Variants in DENND2D observed in about 807,000 individuals in gnomAD.
The protein encoded by DENND2D is DENN domain containing 2D.
DENND2D carries 37 observed loss-of-function variants against 59.8 expected under a neutral mutation model. The ratio of observed to expected loss-of-function variants is 0.62; its 90% CI spans 0.48 to 0.81. The LOEUF (loss-of-function observed/expected upper bound fraction) is 0.81, where lower values mean the gene tolerates loss of function less well. DENND2D is among the 40% of genes least tolerant of loss of function. The probability of loss-of-function intolerance (pLI) is 0.00; values close to 1 mark genes in which losing one functional copy is unlikely to be tolerated. For missense variants in DENND2D, 525 were observed against 579.7 expected (o/e 0.91, Z 0.97); for synonymous variants, 219 against 211.3 (o/e 1.04, Z -0.31).
At chr1:111,196,255 T>TGATACGG in intron 5 of DENND2D, 199 bp from the exon 6 acceptor site, 1 of 546,930 alleles carries the variant, frequency 1.8e-6, no homozygotes, top group Non-Finnish European at 3.1e-6. Flanking sequence ...CTGCAGTTTA[T>TGATACGG]CTCCCACATA....
upstream of DENND2D, chr1:111,204,369 C>G: frequency 1.4e-6 from 2 of 1,417,778 alleles, no homozygotes; most frequent in Non-Finnish European, 1.8e-6. Flanking sequence ...CTGGAGTGCC[C>G]GGCTCCCGCT....
intron 8 of DENND2D, 38 bp from the exon 9 acceptor site, chr1:111,189,291 T>C: frequency 6.2e-7 from 1 of 1,611,802 alleles, no homozygotes; most frequent in Non-Finnish European, 8.5e-7. Flanking sequence ...TGGTCCTCTT[T>C]CTTCATAGAC....
intron 2 of DENND2D, 77 bp from the exon 3 acceptor site, chr1:111,198,819 G>C (rs990052177): frequency 2.0e-6 from 3 of 1,498,582 alleles, no homozygotes; most frequent in Non-Finnish European, 2.8e-6. Flanking sequence ...GAGCTGGTGG[G>C]CTTCCTTTGA....
intron 8 of DENND2D, among the ~76,000 whole-genome samples, chr1:111,191,128 A>T (rs1657725936): frequency 6.6e-6 from 1 of 152,198 alleles, no homozygotes; most frequent in African/African-American, 2.4e-5. Context: ...ATTGCTAAAC[A>T]TGGGGCTAAT....
intron 6 of DENND2D, 74 bp downstream of exon 6, chr1:111,195,842 G>C: frequency 6.2e-7 from 1 of 1,600,222 alleles, no homozygotes. Flanking sequence ...GTTAATGGAA[G>C]AACAGTGGTG....
chr1:111,197,459 T>G (rs1330519425), intron 4 of DENND2D: 10 of 1,428,240 alleles, frequency 7.0e-6, no homozygotes, highest in Non-Finnish European at 9.1e-6. Flanking sequence ...CGCTGCCACC[T>G]TCAGTGCCAG....
At chr1:111,204,110 C>A, upstream of DENND2D, 1 of 362,734 alleles carries the variant, frequency 2.8e-6, no homozygotes. Flanking sequence ...CCCCACCTGA[C>A]CCTCTTCCCC....
chr1:111,195,858 T>C (rs1658177757), intron 6 of DENND2D, 58 bp downstream of exon 6: 1 of 1,609,130 alleles, frequency 6.2e-7, no homozygotes, highest in Non-Finnish European at 8.5e-7. Context: ...TGGTGAGAGG[T>C]GCCACAGATG....
chr1:111,193,008 C>A (rs1657922486), intron 7 of DENND2D, among the ~76,000 whole-genome samples: 1 of 152,218 alleles, frequency 6.6e-6, no homozygotes, highest in African/African-American at 2.4e-5. Flanking sequence ...TCCAGTGAAG[C>A]ATTTCTCGTC....
At chr1:111,189,903 G>A (rs569085111) in intron 8 of DENND2D, among the ~76,000 whole-genome samples, 10 of 152,200 alleles carry the variant, frequency 6.6e-5, no homozygotes, top group Admixed American at 4.6e-4. Flanking sequence ...GGTGGCTCAC[G>A]CCTGTAATCC....
intron 1 of DENND2D, 38 bp from the exon 2 acceptor site, chr1:111,199,836 T>C (rs372732989): frequency 4.5e-5 from 71 of 1,593,684 alleles, no homozygotes; most frequent in Non-Finnish European, 5.7e-5. Flanking sequence ...ATAATCTCAT[T>C]GATCCATTCC....
upstream of DENND2D, chr1:111,204,519 C>T: frequency 1.4e-6 from 1 of 728,936 alleles, no homozygotes; most frequent in Non-Finnish European, 2.0e-6. Context: ...CCCCCGGGCG[C>T]ACCTGGGCGG....
chr1:111,195,870 C>T, intron 6 of DENND2D, 46 bp downstream of exon 6: 1 of 1,612,736 alleles, frequency 6.2e-7, no homozygotes, highest in Admixed American at 1.7e-5. Flanking sequence ...CCACAGATGC[C>T]TACCCTCTCC....
intron 6 of DENND2D, chr1:111,195,103 A>G (rs958137419): frequency 1.1e-4 from 21 of 196,882 alleles, no homozygotes; most frequent in African/African-American, 4.9e-4. Context: ...CCCTTTGGCC[A>G]TGTGATACTT....
At chr1:111,191,981 G>A (rs1657817205) in intron 8 of DENND2D, among the ~76,000 whole-genome samples, 159 bp downstream of exon 8, 1 of 152,174 alleles carries the variant, frequency 6.6e-6, no homozygotes, top group Non-Finnish European at 1.5e-5. Context: ...AGAATCCTTA[G>A]GAAGTGAACA....
At chr1:111,197,682 T>C in intron 4 of DENND2D, 1 of 1,393,258 alleles carries the variant, frequency 7.2e-7, no homozygotes, top group Non-Finnish European at 9.3e-7. Flanking sequence ...GTTAGTTGTA[T>C]TGAAAGCCAG....
chr1:111,197,456 A>G (rs1395146796), intron 4 of DENND2D: 2 of 1,429,222 alleles, frequency 1.4e-6, no homozygotes, highest in Admixed American at 2.8e-5. Flanking sequence ...AAGCGCTGCC[A>G]CCTTCAGTGC....
At chr1:111,200,092 A>C (rs638825) in intron 1 of DENND2D, 476,813 of 563,074 alleles carry the variant, frequency 0.85, 202,819 homozygotes, top group East Asian at 0.99. Context: ...AGGGTACCAC[A>C]GAGACTGCCT....
rs1571165687 is a variant in DENND2D at position 111,186,454 on chromosome 1, C to T, written c.*1151G>A. The stretch of plus-strand genomic sequence containing the variant: ...CTTCAGTATGCCCGGTTCCACCCTC[C>T]AGAAACTTTTGTGTTCTTTGTATAG... On this transcript the variant is annotated 3_prime_UTR_variant, in exon 12 of 12. Coordinates refer to ENST00000357640, the MANE Select transcript of DENND2D (RefSeq NM_024901.5). Among the ~76,000 whole-genome samples the T allele has an allele frequency of 2.0e-5, 3 of 152,298 alleles. No homozygotes were observed. Among genetic ancestry groups the T allele is most frequent in the Admixed American group, 2.0e-4 (3 of 15,296 alleles).
Sources: allele counts gnomAD v4.1 joint callset (sites outside exome capture counted in the v4.1 genomes callset), GRCh38; gene constraint gnomAD v4.1.1; transcripts MANE v1.5; gene names NCBI Gene and HGNC (gene_info 2026-07-23, HGNC 2026-07-21).